The following TMEM132B variants were observed in gnomAD, a reference collection of about 807,000 sequenced individuals.
The protein encoded by TMEM132B is transmembrane protein 132B.
TMEM132B carries 18 observed loss-of-function variants against 90.8 expected under a neutral mutation model. That is an observed-to-expected ratio of 0.20 (90% CI 0.14 to 0.29). The LOEUF is 0.29. TMEM132B is among the 10% of genes least tolerant of loss of function. The pLI, the probability that TMEM132B is intolerant of heterozygous loss-of-function variation, is 1.00. For synonymous variants in TMEM132B, 504 were observed against 523.3 expected (o/e 0.96, Z 0.50); for missense variants, 1,096 against 1,326.8 (o/e 0.83, Z 2.70).
chr12:125,607,186 A>G (rs1445409810), intron 5 of TMEM132B, among the ~76,000 whole-genome samples: 4 of 152,150 alleles, frequency 2.6e-5, no homozygotes, highest in Non-Finnish European at 5.9e-5. Flanking sequence ...GTAGAGACAA[A>G]CATTTTTAGT....
intron 5 of TMEM132B, among the ~76,000 whole-genome samples, chr12:125,602,396 T>G (rs1235210341): frequency 6.6e-6 from 1 of 152,196 alleles, no homozygotes; most frequent in African/African-American, 2.4e-5. Flanking sequence ...AGAAAATGCC[T>G]TCGATAAAAC....
intron 3 of TMEM132B, among the ~76,000 whole-genome samples, chr12:125,427,612 TG>T (rs1355300583): frequency 5.3e-5 from 8 of 152,140 alleles, no homozygotes; most frequent in Admixed American, 3.3e-4. Context: ...GGTAGAATTT[TG>T]ATAGCCTCCC....
chr12:125,585,023 G>A (rs1333861200), intron 5 of TMEM132B: 1 of 152,218 alleles, frequency 6.6e-6, no homozygotes, highest in Non-Finnish European at 1.5e-5. Flanking sequence ...GTGGTAGACA[G>A]GAAAACCTTT....
intron 3 of TMEM132B, among the ~76,000 whole-genome samples, chr12:125,516,171 ACT>A (rs1883158343): frequency 6.6e-6 from 1 of 151,790 alleles, no homozygotes; most frequent in Non-Finnish European, 1.5e-5. Context: ...TCACACACAC[ACT>A]CACATACACT....
chr12:125,311,603 G>T (rs1876125936), intron 1 of TMEM132B, among the ~76,000 whole-genome samples: 1 of 152,162 alleles, frequency 6.6e-6, no homozygotes, highest in African/African-American at 2.4e-5. Context: ...TGCGGAAGCT[G>T]CTTCTAGCAT....
intron 1 of TMEM132B, among the ~76,000 whole-genome samples, chr12:125,302,453 A>C (rs1237465289): frequency 6.6e-6 from 1 of 151,900 alleles, no homozygotes; most frequent in Non-Finnish European, 1.5e-5. Context: ...GATGTGTTAG[A>C]CAAATGCTTA....
intron 4 of TMEM132B, among the ~76,000 whole-genome samples, chr12:125,559,634 C>T (rs1326893270): frequency 6.6e-6 from 1 of 152,172 alleles, no homozygotes; most frequent in East Asian, 1.9e-4. Flanking sequence ...ATGCTGTGAC[C>T]CTCCTGACAT....
chr12:125,598,953 A>G (rs766685778), intron 5 of TMEM132B, among the ~76,000 whole-genome samples: 1 of 152,156 alleles, frequency 6.6e-6, no homozygotes, highest in African/African-American at 2.4e-5. Flanking sequence ...CCATGCATCA[A>G]TTTCCTTCTT....
At chr12:125,585,705 A>T (rs1477041821) in intron 5 of TMEM132B, 1 of 152,040 alleles carries the variant, frequency 6.6e-6, no homozygotes, top group Non-Finnish European at 1.5e-5. Context: ...GGTTTTCTCC[A>T]CTCCACACAA....
chr12:125,558,592 A>T (rs1368344329), intron 4 of TMEM132B, among the ~76,000 whole-genome samples: 1 of 152,226 alleles, frequency 6.6e-6, no homozygotes, highest in Non-Finnish European at 1.5e-5. Flanking sequence ...TGCAGACTTT[A>T]TTCCTTGATT....
intron 1 of TMEM132B, among the ~76,000 whole-genome samples, chr12:125,299,356 G>C (rs1024311851): frequency 6.6e-6 from 1 of 152,042 alleles, no homozygotes; most frequent in Non-Finnish European, 1.5e-5. Flanking sequence ...CCTCCCTGGC[G>C]GCTCCTCCCA....
chr12:125,538,422 G>T (rs1448867233), intron 4 of TMEM132B, among the ~76,000 whole-genome samples: 2 of 152,156 alleles, frequency 1.3e-5, no homozygotes, highest in Non-Finnish European at 2.9e-5. Flanking sequence ...TCTCACACAA[G>T]ACACACAGAC....
chr12:125,563,404 C>T (rs914058075), intron 4 of TMEM132B, among the ~76,000 whole-genome samples: 3 of 151,838 alleles, frequency 2.0e-5, no homozygotes, highest in African/African-American at 4.8e-5. Context: ...GTCAAGAGAT[C>T]GAGACTAACC....
chr12:125,602,696 A>C (rs1282795788), intron 5 of TMEM132B, among the ~76,000 whole-genome samples: 1 of 152,180 alleles, frequency 6.6e-6, no homozygotes, highest in Non-Finnish European at 1.5e-5. Flanking sequence ...AGACGACATG[A>C]TTCTATATTT....
At chr12:125,602,680 G>A (rs1885599577) in intron 5 of TMEM132B, among the ~76,000 whole-genome samples, 1 of 152,222 alleles carries the variant, frequency 6.6e-6, no homozygotes, top group Admixed American at 6.5e-5. Context: ...AATTGTCTCT[G>A]TTTGTAGACG....
chr12:125,314,895 G>A (rs770301970), intron 1 of TMEM132B, among the ~76,000 whole-genome samples: 12 of 152,220 alleles, frequency 7.9e-5, no homozygotes, highest in Admixed American at 2.0e-4. Flanking sequence ...TGCAGATGCC[G>A]CTAGAAATGG....
At chr12:125,604,725 AT>A (rs370920762) in intron 5 of TMEM132B, among the ~76,000 whole-genome samples, 1 of 152,156 alleles carries the variant, frequency 6.6e-6, no homozygotes, top group African/African-American at 2.4e-5. Context: ...CCTGTAGAGG[AT>A]TTTTTCGTTT....
At chr12:125,248,715 G>C (rs1874256108) in intron 1 of TMEM132B, among the ~76,000 whole-genome samples, 1 of 152,164 alleles carries the variant, frequency 6.6e-6, no homozygotes, top group African/African-American at 2.4e-5. Context: ...TTTGTGGGAA[G>C]GAGACTGGGT....
intron 3 of TMEM132B, among the ~76,000 whole-genome samples, chr12:125,476,517 A>G (rs896275307): frequency 6.6e-6 from 1 of 152,114 alleles, no homozygotes; most frequent in Admixed American, 6.6e-5. Context: ...GATAAATCAC[A>G]ATTTGTTTAT....
Sources: allele counts gnomAD v4.1 joint callset (sites outside exome capture counted in the v4.1 genomes callset), GRCh38; gene constraint gnomAD v4.1.1; transcripts MANE v1.5; gene names NCBI Gene and HGNC (gene_info 2026-07-23, HGNC 2026-07-21).